The following CEP112 variants were observed in gnomAD, a reference collection of about 807,000 sequenced individuals.
The protein encoded by CEP112 is centrosomal protein 112.
Under a neutral mutation model 153.0 loss-of-function variants are expected in CEP112, and 127 were observed. The ratio of observed to expected loss-of-function variants is 0.83; its 90% CI spans 0.72 to 0.96. CEP112 has a LOEUF of 0.96. Ranked by LOEUF, CEP112 falls within the 40% of genes least tolerant of loss-of-function variation. The probability of loss-of-function intolerance (pLI) is 0.00; values close to 1 mark genes in which losing one functional copy is unlikely to be tolerated. For missense variants in CEP112, 1,089 were observed against 1,101.2 expected (o/e 0.99, Z 0.16); for synonymous variants, 358 against 374.4 (o/e 0.96, Z 0.51).
intron 23 of CEP112, among the ~76,000 whole-genome samples, chr17:65,700,030 C>T (rs1435888645): frequency 2.0e-5 from 3 of 152,046 alleles, no homozygotes; most frequent in Non-Finnish European, 2.9e-5. Flanking sequence ...TCCAGAAATC[C>T]TTCCCTTTGA....
At chr17:66,052,603 T>A (rs1253502326) in intron 12 of CEP112, among the ~76,000 whole-genome samples, 1 of 152,156 alleles carries the variant, frequency 6.6e-6, no homozygotes, top group Non-Finnish European at 1.5e-5. Flanking sequence ...TGTGGTGACC[T>A]CCTTCCTGAA....
intron 20 of CEP112, among the ~76,000 whole-genome samples, chr17:65,881,196 G>A (rs1252247478): frequency 2.0e-5 from 3 of 152,122 alleles, no homozygotes; most frequent in South Asian, 2.1e-4. Context: ...CAGCCTGGGC[G>A]ACAGAGAGAG....
chr17:65,833,453 C>T (rs771831791), intron 21 of CEP112, among the ~76,000 whole-genome samples: 24 of 151,994 alleles, frequency 1.6e-4, no homozygotes, highest in Non-Finnish European at 3.1e-4. Context: ...TCTAGAAAAC[C>T]CCACAGTTTT....
chr17:65,821,514 T>TATATA (rs2056549344), intron 21 of CEP112, among the ~76,000 whole-genome samples: 2 of 50,170 alleles, frequency 4.0e-5, no homozygotes, highest in Admixed American at 7.9e-4. Flanking sequence ...ATATATATAA[T>TATATA]TATATATATA....
chr17:65,755,462 G>A (rs910365498), intron 21 of CEP112, among the ~76,000 whole-genome samples: 3 of 152,044 alleles, frequency 2.0e-5, no homozygotes, highest in African/African-American at 7.2e-5. Context: ...GATTTGGGCG[G>A]GGACACACAC....
At chr17:66,031,819 T>C (rs530305684) in intron 12 of CEP112, among the ~76,000 whole-genome samples, 30 of 152,172 alleles carry the variant, frequency 2.0e-4, no homozygotes, top group African/African-American at 6.3e-4. Flanking sequence ...GAAAACATCA[T>C]AGAGATGAGG....
At chr17:65,988,100 G>A (rs574637516) in intron 17 of CEP112, among the ~76,000 whole-genome samples, 146 of 152,178 alleles carry the variant, frequency 9.6e-4, no homozygotes, top group Non-Finnish European at 1.3e-3. Flanking sequence ...CTCCTAACCC[G>A]CCTTCCCACA....
At chr17:65,895,098 G>A (rs1402038959) in intron 20 of CEP112, among the ~76,000 whole-genome samples, 1 of 152,062 alleles carries the variant, frequency 6.6e-6, no homozygotes, top group Non-Finnish European at 1.5e-5. Context: ...TACACTAGCA[G>A]GCATATGGGG....
At chr17:66,007,944 T>C (rs995954072) in intron 16 of CEP112, among the ~76,000 whole-genome samples, 1 of 152,204 alleles carries the variant, frequency 6.6e-6, no homozygotes, top group African/African-American at 2.4e-5. Flanking sequence ...ATGCCGTTTT[T>C]TCCTGTTTCC....
At chr17:65,918,735 AAC>A (rs1193154190) in intron 19 of CEP112, among the ~76,000 whole-genome samples, 24 of 152,356 alleles carry the variant, frequency 1.6e-4, no homozygotes, top group Admixed American at 5.9e-4. Context: ...ACAGGAAAGA[AAC>A]AGGAAATCTT....
rs550789356 is a variant in CEP112, at chr17:65,970,178, G to A, written c.1737-8580C>T. 5.3e-5 allele frequency among the ~76,000 whole-genome samples: 8 copies of A among 152,098 alleles called. No individual in the cohort carries two copies. The South Asian group carries it at 8.3e-4, about 16-fold the overall frequency. ...TATAGCAAACATGCATATTACATTT[G>A]TATTACATGCATATATGCTGCATGC... On this transcript the variant is annotated intron_variant, in intron 17 of 26. Coordinates refer to ENST00000535342, the MANE Select transcript of CEP112 (RefSeq NM_001199165.4).
At chr17:66,094,244 G>C (rs992566459) in intron 8 of CEP112, among the ~76,000 whole-genome samples, 1 of 151,952 alleles carries the variant, frequency 6.6e-6, no homozygotes, top group Admixed American at 6.6e-5. Flanking sequence ...ATTTTTAGTA[G>C]GGATGGGGTT....
intron 20 of CEP112, among the ~76,000 whole-genome samples, chr17:65,872,494 AC>A (rs1178171358): frequency 1.3e-5 from 2 of 152,188 alleles, no homozygotes; most frequent in Non-Finnish European, 2.9e-5. Flanking sequence ...ATCTGGTAAA[AC>A]TAGACAGTTA....
chr17:65,637,499 G>A (rs141011366), intron 25 of CEP112, among the ~76,000 whole-genome samples: 167 of 152,216 alleles, frequency 1.1e-3, no homozygotes, highest in African/African-American at 3.9e-3. Context: ...TGTCTTTCTC[G>A]CTCCGTTGCT....
intron 23 of CEP112, among the ~76,000 whole-genome samples, chr17:65,731,615 T>C (rs1290868524): frequency 6.6e-6 from 1 of 152,230 alleles, no homozygotes. Flanking sequence ...CTCTGTAGCA[T>C]GCGATGCTGT....
intron 17 of CEP112, among the ~76,000 whole-genome samples, chr17:65,989,478 G>A (rs201457181): frequency 9.5e-5 from 14 of 146,770 alleles, no homozygotes; most frequent in Non-Finnish European, 1.3e-4. Context: ...AGTTCAGAAA[G>A]AAAAAAAAAA....
chr17:65,790,320 A>G (rs758505296), intron 21 of CEP112, among the ~76,000 whole-genome samples: 2 of 152,142 alleles, frequency 1.3e-5, no homozygotes, highest in Admixed American at 1.3e-4. Context: ...CGGATCTATG[A>G]TGGGAACTGA....
chr17:65,793,467 C>T (rs750803326), intron 21 of CEP112, among the ~76,000 whole-genome samples: 9 of 152,048 alleles, frequency 5.9e-5, no homozygotes, highest in Non-Finnish European at 1.2e-4. Flanking sequence ...CAAACCTACA[C>T]ATCCTGCGCA....
intron 21 of CEP112, among the ~76,000 whole-genome samples, chr17:65,770,316 A>C (rs7211481): frequency 0.43 from 65,214 of 151,684 alleles, 14,872 homozygotes; most frequent in East Asian, 0.78. Flanking sequence ...GAAAAGTCAG[A>C]GAACAATACA....
Sources: allele counts gnomAD v4.1 joint callset (sites outside exome capture counted in the v4.1 genomes callset), GRCh38; gene constraint gnomAD v4.1.1; transcripts MANE v1.5; gene names NCBI Gene and HGNC (gene_info 2026-07-23, HGNC 2026-07-21).